The following DIP2C variants were observed in gnomAD, a reference collection of about 807,000 sequenced individuals.
The protein encoded by DIP2C is DIP2 acetate--CoA ligase C (putative).
Under a neutral mutation model 192.4 loss-of-function variants are expected in DIP2C, and 33 were observed. The observed-to-expected ratio is 0.17, with a 90% CI of 0.13 to 0.23. The LOEUF (loss-of-function observed/expected upper bound fraction) is 0.23, where lower values mean the gene tolerates loss of function less well. Among genes scored for constraint, DIP2C ranks in the 10% least tolerant of loss-of-function variants. DIP2C has a pLI of 1.00. For missense variants in DIP2C, 1,537 were observed against 2,110.1 expected (o/e 0.73, Z 5.32); for synonymous variants, 979 against 864.1 (o/e 1.13, Z -2.33).
chr10:381,702 C>T (rs1962389410), intron 17 of DIP2C, among the ~76,000 whole-genome samples: 1 of 152,216 alleles, frequency 6.6e-6, no homozygotes, highest in Non-Finnish European at 1.5e-5. Context: ...CACAGTTCTG[C>T]CTGCAATAAT....
At chr10:345,302 G>A (rs1355645255) in intron 26 of DIP2C, 192 bp from the exon 27 acceptor site, 5 of 691,410 alleles carry the variant, frequency 7.2e-6, no homozygotes, top group Non-Finnish European at 1.0e-5. Context: ...CGGGGGCAGG[G>A]CATGCGGCCT....
At chr10:620,101 G>A (rs1187412780) in intron 1 of DIP2C, among the ~76,000 whole-genome samples, 1 of 152,162 alleles carries the variant, frequency 6.6e-6, no homozygotes, top group African/African-American at 2.4e-5. Flanking sequence ...GGTCACATGT[G>A]GCTGAATGTA....
chr10:500,565 T>C (rs1308619803), intron 1 of DIP2C, among the ~76,000 whole-genome samples: 1 of 152,232 alleles, frequency 6.6e-6, no homozygotes, highest in Non-Finnish European at 1.5e-5. Flanking sequence ...TTGTGTGCCA[T>C]GCAATGGACA....
At chr10:674,380 G>A (rs1361567973) in intron 1 of DIP2C, among the ~76,000 whole-genome samples, 1 of 151,772 alleles carries the variant, frequency 6.6e-6, no homozygotes, top group Non-Finnish European at 1.5e-5. Flanking sequence ...ATTATATAAT[G>A]ATAAGGAGAT....
chr10:344,820 C>T lies in DIP2C; in HGVS notation c.3442G>A (p.Ala1148Thr). ...GCCACCCCCCTCACCTTTACGCCAG[C>T]TAGCATCCCAGTTGTGGACACGCTG... ...DFSVSTTGML[A>T]GVKMSHAATS... Residue 1148 changes from alanine to threonine, a missense_variant, in exon 28 of 37, where the codon GCT (alanine) becomes ACT (threonine). By Grantham distance (58) the Ala-to-Thr change is moderately conservative. This residue lies in a region of DIP2C where 341 missense variants were observed against 551.7 expected (regional missense o/e 0.62). Transcript: ENST00000280886. 1 of 1,591,602 alleles carries T rather than the reference C, an allele frequency of 6.3e-7. No individual in the cohort carries two copies. The highest frequency in any genetic ancestry group is 8.5e-7 in the Non-Finnish European group (1 of 1,170,166).
At chr10:498,146 A>G (rs1400550959) in intron 1 of DIP2C, among the ~76,000 whole-genome samples, 1 of 152,174 alleles carries the variant, frequency 6.6e-6, no homozygotes, top group Non-Finnish European at 1.5e-5. Flanking sequence ...GATTACAGGC[A>G]TGAGCCACTG....
intron 1 of DIP2C, among the ~76,000 whole-genome samples, chr10:575,033 TCA>T (rs984520592): frequency 3.9e-5 from 6 of 152,030 alleles, no homozygotes; most frequent in Admixed American, 3.9e-4. Context: ...TGCCAGGCGC[TCA>T]CAAACTGGTA....
At chr10:503,717 C>A (rs979538848) in intron 1 of DIP2C, among the ~76,000 whole-genome samples, 2 of 152,206 alleles carry the variant, frequency 1.3e-5, no homozygotes, top group Non-Finnish European at 2.9e-5. Flanking sequence ...ACCGAGTTAA[C>A]GTTTGCTGGC....
At chr10:563,460 ACAAATC>A (rs1849316610) in intron 1 of DIP2C, among the ~76,000 whole-genome samples, 1 of 152,250 alleles carries the variant, frequency 6.6e-6, no homozygotes, top group Non-Finnish European at 1.5e-5. Context: ...TGAGAAAGTG[ACAAATC>A]AGTATTCATG....
At chr10:426,915 A>G (rs1966630682) in intron 4 of DIP2C, among the ~76,000 whole-genome samples, 1 of 152,142 alleles carries the variant, frequency 6.6e-6, no homozygotes, top group South Asian at 2.1e-4. Flanking sequence ...AAAATGGATC[A>G]CAGACCTAAA....
intron 1 of DIP2C, among the ~76,000 whole-genome samples, chr10:565,572 A>G (rs1026615230): frequency 6.6e-6 from 1 of 152,128 alleles, no homozygotes; most frequent in Non-Finnish European, 1.5e-5. Flanking sequence ...TACTAACCCA[A>G]CTTCACCTAG....
chr10:376,858 G>A (rs555881978), intron 17 of DIP2C, among the ~76,000 whole-genome samples: 23 of 152,282 alleles, frequency 1.5e-4, no homozygotes, highest in Admixed American at 6.5e-4. Flanking sequence ...AACACGCACC[G>A]CGAGGGGAAA....
chr10:635,896 G>C (rs1012487205), intron 1 of DIP2C, among the ~76,000 whole-genome samples: 1 of 152,184 alleles, frequency 6.6e-6, no homozygotes, highest in Non-Finnish European at 1.5e-5. Flanking sequence ...CGGGGTCCTC[G>C]GTGGTGACAC....
At chr10:352,262 G>A (rs1484383723) in intron 24 of DIP2C, among the ~76,000 whole-genome samples, 1 of 152,262 alleles carries the variant, frequency 6.6e-6, no homozygotes, top group African/African-American at 2.4e-5. Flanking sequence ...GCAGCCAAGA[G>A]TGTCTTTGAA....
intron 1 of DIP2C, among the ~76,000 whole-genome samples, chr10:599,921 T>C (rs971177174): frequency 2.0e-5 from 3 of 152,056 alleles, no homozygotes; most frequent in African/African-American, 4.8e-5. Flanking sequence ...AGCTCATCCA[T>C]CTCCTGTGTA....
intron 4 of DIP2C, among the ~76,000 whole-genome samples, chr10:424,834 C>T (rs982281448): frequency 2.0e-5 from 3 of 152,258 alleles, no homozygotes; most frequent in Middle Eastern, 3.2e-3. Context: ...CCACCTACCT[C>T]TTCCAAGAAA....
intron 6 of DIP2C, among the ~76,000 whole-genome samples, chr10:417,436 ACTC>A (rs1447027258): frequency 9.6e-6 from 1 of 103,964 alleles, no homozygotes; most frequent in African/African-American, 3.5e-5. Context: ...GTAAAGACGA[ACTC>A]ATCAGAGAAC....
In DIP2C at chr10:535,244, G is replaced by A. The variant is rs560932267; in HGVS notation, c.86-48714C>T. 1.4e-4 allele frequency among the ~76,000 whole-genome samples: 22 copies of A among 152,216 alleles called. 1 individual carries two copies. The Middle Eastern group carries it at 0.014, about 94-fold the overall frequency. ...ACAGCCCTAGGCGTGGGCTGAGCTG[G>A]AGCTGAACTTTCCTCCCTTGGTAAG... On this transcript the variant is annotated intron_variant, in intron 1 of 36. Transcript: ENST00000280886.
chr10:606,391 G>A (rs1389490830), intron 1 of DIP2C, among the ~76,000 whole-genome samples: 1 of 150,942 alleles, frequency 6.6e-6, no homozygotes, highest in Non-Finnish European at 1.5e-5. Flanking sequence ...GGATCTCACG[G>A]CCCCGCTGCC....
Sources: gnomAD v4.1 joint callset for allele counts (sites outside exome capture counted in the v4.1 genomes callset) on GRCh38, gnomAD v4.1.1 for gene constraint, gnomAD v4.1.1 regional missense constraint, MANE v1.5 for transcripts, NCBI Gene and HGNC (gene_info 2026-07-23, HGNC 2026-07-21) for gene names.